CD5L: variants seen among roughly 807,000 people sequenced by gnomAD.
The protein encoded by CD5L is CD5 antigen-like.
Under a neutral mutation model 40.8 loss-of-function variants are expected in CD5L, and 39 were observed. That is an observed-to-expected ratio of 0.96 (90% CI 0.74 to 1.25). The LOEUF (loss-of-function observed/expected upper bound fraction) is 1.25, where lower values mean the gene tolerates loss of function less well. Among genes scored for constraint, CD5L ranks in the 50% most tolerant of loss-of-function variants. The probability of loss-of-function intolerance (pLI) is 0.00; values close to 1 mark genes in which losing one functional copy is unlikely to be tolerated. For synonymous variants in CD5L, 192 were observed against 169.6 expected (o/e 1.13, Z -1.03); for missense variants, 433 against 435.9 (o/e 0.99, Z 0.06).
chr1:157,827,955 A>C (rs1333725182), downstream of CD5L, among the ~76,000 whole-genome samples: 1 of 152,220 alleles, frequency 6.6e-6, no homozygotes, highest in Non-Finnish European at 1.5e-5. Flanking sequence ...TTGCAATTTT[A>C]TTAGCTCTTC....
intron 2 of CD5L, among the ~76,000 whole-genome samples, chr1:157,838,156 A>C (rs1041202775): frequency 1.3e-5 from 2 of 152,132 alleles, no homozygotes; most frequent in Non-Finnish European, 2.9e-5. Context: ...CCTTTGCTTA[A>C]ATTTTTTTGG....
At chr1:157,836,490 G>A (rs1571452341) in intron 2 of CD5L, among the ~76,000 whole-genome samples, 2 of 152,196 alleles carry the variant, frequency 1.3e-5, no homozygotes, top group Admixed American at 6.5e-5. Context: ...GAATCAGAAG[G>A]CCCTAAAGAG....
chr1:157,835,448 A>G (rs1030707382), intron 3 of CD5L, among the ~76,000 whole-genome samples: 1 of 152,238 alleles, frequency 6.6e-6, no homozygotes, highest in African/African-American at 2.4e-5. Flanking sequence ...AACTCCTGGA[A>G]AACTGAAACT....
Position 157,834,569 on chromosome 1 carries a change from G to GT in CD5L, c.555dup (p.Leu186ThrfsTer46), listed in dbSNP as rs756424386. 10 of 1,614,186 alleles carry GT rather than the reference G, an allele frequency of 6.2e-6. No homozygotes were observed. In the East Asian group the frequency reaches 6.7e-5, roughly 11 times the overall value. On this transcript the variant is annotated frameshift_variant, in exon 4 of 6. Coordinates refer to ENST00000368174, the MANE Select transcript of CD5L (RefSeq NM_005894.3). LOFTEE classifies it high-confidence loss of function. ...TGCTTGTTGCAGCGTTTTTGAGTCA[G>GT]TACAGCCCTCCCACATCCCAGCTGC...
In CD5L at chr1:157,831,984, GA is replaced by G; in HGVS notation, c.1040-17del. On this transcript the variant is annotated splice_polypyrimidine_tract_variant and intron_variant, in intron 5 of 5. Transcript: ENST00000368174. The stretch of plus-strand genomic sequence containing the variant: ...GGATACTATCCTATAAAGAGAAGAG[GA>G]AAATGCAGTAAGGATGGGTATAGTC... 1.3e-6 allele frequency: 2 copies of G among 1,570,778 alleles called. No homozygotes were observed. The highest frequency in any genetic ancestry group is 1.8e-5 in the Admixed American group (1 of 55,516).
At chr1:157,828,881 T>A (rs577481364), downstream of CD5L, among the ~76,000 whole-genome samples, 1 of 152,334 alleles carries the variant, frequency 6.6e-6, no homozygotes, top group South Asian at 2.1e-4. Flanking sequence ...TGAAGTCCTG[T>A]AGTCTAATGG....
intron 2 of CD5L, among the ~76,000 whole-genome samples, chr1:157,837,185 C>T (rs1015478929): frequency 1.3e-5 from 2 of 152,100 alleles, no homozygotes; most frequent in Admixed American, 1.3e-4. Flanking sequence ...CATGCCACTG[C>T]ACTCCAGCCT....
chr1:157,839,044 AG>A (rs1656294068), intron 2 of CD5L, among the ~76,000 whole-genome samples: 1 of 152,244 alleles, frequency 6.6e-6, no homozygotes, highest in Non-Finnish European at 1.5e-5. Flanking sequence ...GGAAACCAAC[AG>A]GAAGAAACCA....
At chr1:157,839,279 G>T in intron 2 of CD5L, 105 bp downstream of exon 2, 1 of 1,081,872 alleles carries the variant, frequency 9.2e-7, no homozygotes, top group Non-Finnish European at 1.4e-6. Context: ...AAGGAAGTCT[G>T]CTGGGCCTGT....
chr1:157,827,517 A>T (rs1300071675), downstream of CD5L, among the ~76,000 whole-genome samples: 1 of 152,194 alleles, frequency 6.6e-6, no homozygotes, highest in African/African-American at 2.4e-5. Context: ...CCAAGGGCAG[A>T]AGAAGATCAG....
intron 4 of CD5L, 68 bp downstream of exon 4, chr1:157,834,339 C>T (rs896051120): frequency 3.8e-6 from 5 of 1,308,542 alleles, no homozygotes; most frequent in Non-Finnish European, 5.3e-6. Context: ...TTTGTAAATA[C>T]TGTTTGAATG....
intron 1 of CD5L, 75 bp downstream of exon 1, chr1:157,841,599 G>T: frequency 2.4e-6 from 3 of 1,261,350 alleles, no homozygotes; most frequent in Non-Finnish European, 3.4e-6. Context: ...GTTCCAGGTT[G>T]GCGGGGAGAA....
At position 157,840,015 on chromosome 1, in the gene CD5L, G is replaced by A. The variant is rs577947631; in HGVS notation, c.29-605C>T. 8.5e-5 allele frequency among the ~76,000 whole-genome samples: 13 copies of A among 152,230 alleles called. No homozygotes were observed. The South Asian group carries it at 1.7e-3, about 19-fold the overall frequency. Reference sequence around the variant, plus strand: ...CACATATATGTATGCAAGTGAGGACGGCTATGTTCCATTAAACCTTTATTA... The same window carrying A: ...CACATATATGTATGCAAGTGAGGACAGCTATGTTCCATTAAACCTTTATTA... On this transcript the variant is annotated intron_variant, in intron 1 of 5. Transcript: ENST00000368174.
At position 157,831,904 on chromosome 1, in the gene CD5L, C is replaced by T. The variant is rs1656061367; in HGVS notation, c.*60G>A. On this transcript the variant is annotated 3_prime_UTR_variant, in exon 6 of 6. Transcript: ENST00000368174. ...AATGAGTATGAGGATAATCAGGGCT[C>T]AGGAGAACAAGCAGAGGGCAGGCGG... The T allele has an allele frequency of 2.6e-5, 40 of 1,542,046 alleles. No homozygotes were observed. In the South Asian group the frequency reaches 4.7e-4, roughly 18 times the overall value.
chr1:157,838,618 A>T (rs1301698315), intron 2 of CD5L, among the ~76,000 whole-genome samples: 1 of 152,146 alleles, frequency 6.6e-6, no homozygotes, highest in Admixed American at 6.5e-5. Context: ...AATAAATAAA[A>T]AAAAATTACT....
At position 157,831,324 on chromosome 1, in the gene CD5L, G is replaced by A. The variant is rs780460630; in HGVS notation, c.*640C>T. The A allele has an allele frequency of 8.0e-5, 79 of 985,004 alleles. No individual in the cohort carries two copies. The African/African-American group carries it at 9.4e-4, about 12-fold the overall frequency. The allele number at this position is 985,004 out of a possible 1,614,324, so 61.0% of individuals were successfully genotyped here. On this transcript the variant is annotated 3_prime_UTR_variant, in exon 6 of 6. Transcript: ENST00000368174. ...GAGGATGAAACATCATTTTTTACACGTCATGAAAAGGTCTAGGATTATAGG... is the reference window on the plus strand; with the variant it reads ...GAGGATGAAACATCATTTTTTACACATCATGAAAAGGTCTAGGATTATAGG...
chr1:157,831,985 A>G lies in CD5L; in HGVS notation c.1040-17T>C. Reference sequence around the variant, plus strand: ...GATACTATCCTATAAAGAGAAGAGGAAAATGCAGTAAGGATGGGTATAGTC... The same window carrying G: ...GATACTATCCTATAAAGAGAAGAGGGAAATGCAGTAAGGATGGGTATAGTC... On this transcript the variant is annotated splice_polypyrimidine_tract_variant and intron_variant, in intron 5 of 5. Coordinates refer to ENST00000368174, the MANE Select transcript of CD5L (RefSeq NM_005894.3). The G allele has an allele frequency of 6.4e-7, 1 of 1,563,992 alleles. No individual in the cohort carries two copies. Among genetic ancestry groups the G allele is most frequent in the South Asian group, 1.2e-5 (1 of 84,970 alleles).
downstream of CD5L, chr1:157,830,867 C>A: frequency 4.8e-6 from 4 of 840,108 alleles, no homozygotes; most frequent in Non-Finnish European, 5.7e-6. Context: ...TCTGACACAG[C>A]TGCTTCTCTG....
rs187859976 is a variant in CD5L at position 157,831,527 on chromosome 1, G to A, written c.*437C>T. 2.0e-6 allele frequency: 2 copies of A among 991,156 alleles called. No homozygotes were observed. Among genetic ancestry groups the A allele is most frequent in the Admixed American group, 6.1e-5 (1 of 16,454 alleles). The allele number at this position is 991,156 out of a possible 1,614,324, so 61.4% of individuals were successfully genotyped here. On this transcript the variant is annotated 3_prime_UTR_variant, in exon 6 of 6. Transcript: ENST00000368174. ...TGTCTACCCACATTTTCTTTCAAAT[G>A]TTCCTTTCATTGTTTCATTCCTTTA...
Sources: allele counts gnomAD v4.1 joint callset (sites outside exome capture counted in the v4.1 genomes callset), GRCh38; gene constraint gnomAD v4.1.1; transcripts MANE v1.5; gene names NCBI Gene and HGNC (gene_info 2026-07-23, HGNC 2026-07-21).